The following RBFOX1 variants were observed in gnomAD, a reference collection of about 807,000 sequenced individuals.
RBFOX1 encodes the protein RNA binding fox-1 homolog 1.
RBFOX1 carries 8 observed loss-of-function variants against 57.7 expected under a neutral mutation model. That is an observed-to-expected ratio of 0.14 (90% CI 0.08 to 0.25). The LOEUF (loss-of-function observed/expected upper bound fraction) is 0.25, where lower values mean the gene tolerates loss of function less well. Ranked by LOEUF, RBFOX1 falls within the 10% of genes least tolerant of loss-of-function variation. RBFOX1 has a pLI of 1.00. For missense variants in RBFOX1, 611 were observed against 548.5 expected (o/e 1.11, Z -1.14); for synonymous variants, 326 against 222.4 (o/e 1.47, Z -4.15).
At chr16:5,878,414 G>C (rs1430133831) in intron 4 of RBFOX1, among the ~76,000 whole-genome samples, 1 of 152,180 alleles carries the variant, frequency 6.6e-6, no homozygotes, top group Non-Finnish European at 1.5e-5. Flanking sequence ...CCAAGGCTCA[G>C]AAGAGTTTAT....
intron 7 of RBFOX1, among the ~76,000 whole-genome samples, chr16:7,589,903 TGTGTGCTGG>T (rs2094344481): frequency 1.0e-5 from 1 of 96,990 alleles, no homozygotes. Flanking sequence ...CTGAAGGCTG[TGTGTGCTGG>T]GTGTGTGTGT....
intron 14 of RBFOX1, among the ~76,000 whole-genome samples, chr16:7,687,242 T>G (rs2076260455): frequency 6.6e-6 from 1 of 152,090 alleles, no homozygotes; most frequent in Admixed American, 6.6e-5. Flanking sequence ...AATATGAATC[T>G]GAATGGGATT....
chr16:7,069,500 A>C (rs769534152), intron 4 of RBFOX1, among the ~76,000 whole-genome samples: 1 of 152,170 alleles, frequency 6.6e-6, no homozygotes, highest in African/African-American at 2.4e-5. Flanking sequence ...TTCCAGCTTC[A>C]TCTATGTCCT....
intron 2 of RBFOX1, among the ~76,000 whole-genome samples, chr16:5,586,884 C>T (rs1035632436): frequency 6.6e-6 from 1 of 152,182 alleles, no homozygotes. Context: ...CCTTGAAATG[C>T]TGACACTCTT....
chr16:7,485,753 A>G (rs566070388), intron 4 of RBFOX1, among the ~76,000 whole-genome samples: 115 of 152,022 alleles, frequency 7.6e-4, no homozygotes, highest in Admixed American at 1.6e-3. Flanking sequence ...GTATTTCCCA[A>G]CTCTCTCATG....
rs376052484 is a variant in RBFOX1 at position 6,714,736 on chromosome 16, C to G, written c.-16+60086C>G. ...ACGTGGTGGCTTCAAGGTGTTGCAT[C>G]TACACAGCTGGGACATGGGCAGTAC... On this transcript the variant is annotated intron_variant, in intron 3 of 15. Transcript: ENST00000550418. 4.9e-4 allele frequency among the ~76,000 whole-genome samples: 75 copies of G among 152,230 alleles called. 1 individual carries two copies. The highest frequency in any genetic ancestry group is 1.7e-3 in the African/African-American group (71 of 41,542).
intron 4 of RBFOX1, among the ~76,000 whole-genome samples, chr16:7,136,370 T>C (rs184930622): frequency 2.6e-5 from 4 of 151,820 alleles, no homozygotes; most frequent in African/African-American, 9.7e-5. Flanking sequence ...AGCCAATACC[T>C]AGTAGAGATA....
At chr16:5,612,078 C>A (rs953612028) in intron 3 of RBFOX1, among the ~76,000 whole-genome samples, 10 of 151,140 alleles carry the variant, frequency 6.6e-5, no homozygotes, top group Non-Finnish European at 1.5e-4. Context: ...TCCCACCCAC[C>A]TACTCTCCCA....
intron 4 of RBFOX1, among the ~76,000 whole-genome samples, chr16:7,444,133 C>G (rs1481217408): frequency 6.6e-6 from 1 of 152,198 alleles, no homozygotes; most frequent in Non-Finnish European, 1.5e-5. Flanking sequence ...CAACGTTATA[C>G]TAAACCAACA....
At chr16:6,536,398 T>A (rs1047271714) in intron 2 of RBFOX1, among the ~76,000 whole-genome samples, 1 of 152,192 alleles carries the variant, frequency 6.6e-6, no homozygotes, top group Non-Finnish European at 1.5e-5. Context: ...ACATTCTAAT[T>A]TCTGTCCCCT....
intron 2 of RBFOX1, among the ~76,000 whole-genome samples, chr16:6,338,450 C>A (rs1036984784): frequency 6.6e-6 from 1 of 152,168 alleles, no homozygotes; most frequent in East Asian, 1.9e-4. Context: ...AGATGGAAAT[C>A]TGAATTTTTA....
intron 4 of RBFOX1, among the ~76,000 whole-genome samples, chr16:7,456,787 G>A (rs12598035): frequency 0.35 from 52,680 of 152,028 alleles, 10,313 homozygotes; most frequent in Non-Finnish European, 0.45. Flanking sequence ...GCAGGAGGCA[G>A]TCTACTCCAA....
At chr16:6,565,168 C>G (rs915786433) in intron 2 of RBFOX1, among the ~76,000 whole-genome samples, 3 of 148,098 alleles carry the variant, frequency 2.0e-5, no homozygotes, top group Admixed American at 6.7e-5. Context: ...GGAAGGTAAA[C>G]TACAGTGATA....
intron 3 of RBFOX1, among the ~76,000 whole-genome samples, chr16:5,651,352 C>T (rs1282818465): frequency 2.6e-5 from 4 of 152,200 alleles, no homozygotes; most frequent in Non-Finnish European, 2.9e-5. Flanking sequence ...CATGCCCAGC[C>T]GGAATCCTAG....
intron 3 of RBFOX1, among the ~76,000 whole-genome samples, chr16:6,853,649 C>G (rs1033654509): frequency 6.6e-5 from 10 of 152,168 alleles, no homozygotes; most frequent in African/African-American, 2.4e-4. Context: ...ATAGTAAATG[C>G]TCTCAGCCTG....
intron 4 of RBFOX1, among the ~76,000 whole-genome samples, chr16:7,303,057 C>A (rs1420126579): frequency 6.6e-6 from 1 of 152,168 alleles, no homozygotes; most frequent in African/African-American, 2.4e-5. Context: ...TTGAGAGGAG[C>A]GGGTGTTCTG....
chr16:7,363,443 G>T (rs1429949457), intron 4 of RBFOX1, among the ~76,000 whole-genome samples: 1 of 151,934 alleles, frequency 6.6e-6, no homozygotes. Context: ...TTAGAACAGT[G>T]TCTGAGCCAG....
intron 4 of RBFOX1, among the ~76,000 whole-genome samples, chr16:5,978,922 C>T (rs1342205558): frequency 3.9e-5 from 6 of 152,204 alleles, no homozygotes; most frequent in African/African-American, 1.4e-4. Flanking sequence ...CTGCCAGCTT[C>T]TCCATTGTGA....
intron 2 of RBFOX1, among the ~76,000 whole-genome samples, chr16:6,338,095 G>A (rs1320685812): frequency 2.6e-5 from 4 of 152,170 alleles, no homozygotes; most frequent in East Asian, 1.9e-4. Flanking sequence ...TGTGAAATAC[G>A]TGATATTCTA....
Sources: gnomAD v4.1 joint callset for allele counts (sites outside exome capture counted in the v4.1 genomes callset) on GRCh38, gnomAD v4.1.1 for gene constraint, MANE v1.5 for transcripts, NCBI Gene and HGNC (gene_info 2026-07-23, HGNC 2026-07-21) for gene names.